The following ATG14 variants were observed in gnomAD, a reference collection of about 807,000 sequenced individuals.
The protein encoded by ATG14 is autophagy related 14.
ATG14 carries 35 observed loss-of-function variants against 60.4 expected under a neutral mutation model. The observed-to-expected ratio is 0.58, with a 90% confidence interval of 0.44 to 0.77. The LOEUF (loss-of-function observed/expected upper bound fraction) is 0.77. ATG14 is among the 30% of genes least tolerant of loss of function. ATG14 has a pLI of 0.00. For missense variants in ATG14, 647 were observed against 626.3 expected (o/e 1.03, Z -0.35); for synonymous variants, 234 against 228.8 (o/e 1.02, Z -0.21).
intron 5 of ATG14, among the ~76,000 whole-genome samples, 176 bp from the exon 6 acceptor site, chr14:55,382,367 C>T (rs1885051039): frequency 6.6e-6 from 1 of 152,118 alleles, no homozygotes. Context: ...ACATGGAGCG[C>T]AGTGACAGAT....
chr14:55,378,107 A>G, intron 7 of ATG14, 33 bp from the exon 8 acceptor site: 3 of 1,578,446 alleles, frequency 1.9e-6, no homozygotes, highest in Non-Finnish European at 2.6e-6. Context: ...ATAAAGTTGC[A>G]TTTTTTGAGG....
rs1397492385 is a variant in ATG14, at chr14:55,367,138, A to G, written c.*2481T>C. ...GATGAGTTTGTGATCTCTGGATTCT[A>G]TTCTTTAGCTTCATCTCTCATTCAT... On this transcript the variant is annotated 3_prime_UTR_variant, in exon 10 of 10. Transcript: ENST00000247178. 6.6e-6 allele frequency: 1 copy of G among 152,386 alleles called. No individual in the cohort carries two copies. The highest frequency in any genetic ancestry group is 1.5e-5 in the Non-Finnish European group (1 of 68,036). 9.4% of individuals were successfully genotyped at this position (152,386 alleles called of 1,614,324 possible).
rs993075385 is a variant in ATG14 at position 55,375,302 on chromosome 14, C to T, written c.1172+2517G>A. 1.1e-4 allele frequency among the ~76,000 whole-genome samples: 16 copies of T among 152,182 alleles called. No individual in the cohort carries two copies. In the East Asian group the frequency reaches 2.1e-3, roughly 20 times the overall value. ...TTCCAAACTGGTTGTTGTTGGCACA[C>T]AAGACAGCAACTGTTTTTTGTATGT... is the stretch of plus-strand genomic sequence containing the variant. On this transcript the variant is annotated intron_variant, in intron 9 of 9. Transcript: ENST00000247178.
intron 9 of ATG14, among the ~76,000 whole-genome samples, chr14:55,375,540 C>T (rs1458842639): frequency 7.3e-6 from 1 of 136,576 alleles, no homozygotes; most frequent in East Asian, 2.2e-4. Context: ...CATGGAGTCT[C>T]ACTATGTTGC....
intron 9 of ATG14, among the ~76,000 whole-genome samples, chr14:55,372,092 C>T (rs1461312318): frequency 1.3e-5 from 2 of 152,232 alleles, no homozygotes; most frequent in South Asian, 2.1e-4. Context: ...TAGCGCCACT[C>T]CCAAATATCC....
chr14:55,384,729 C>A (rs941768569), intron 5 of ATG14, among the ~76,000 whole-genome samples: 1 of 152,154 alleles, frequency 6.6e-6, no homozygotes, highest in African/African-American at 2.4e-5. Context: ...GTCCAGTGAA[C>A]GTCAGTTTCC....
chr14:55,404,868 C>T (rs975442540), intron 1 of ATG14, among the ~76,000 whole-genome samples: 2 of 152,190 alleles, frequency 1.3e-5, no homozygotes, highest in Non-Finnish European at 2.9e-5. Flanking sequence ...AAGTCAGCCA[C>T]AACACCCCTG....
chr14:55,382,205 GACAC>G lies in ATG14; in HGVS notation c.648-18_648-15del. On this transcript the variant is annotated splice_polypyrimidine_tract_variant and intron_variant, in intron 5 of 9. Coordinates refer to ENST00000247178, the MANE Select transcript of ATG14 (RefSeq NM_014924.5). The stretch of plus-strand genomic sequence containing the variant: ...TCTGCGGGGTCTCTACAAGTAGGAA[GACAC>G]ACACGGATTTTCAAGAGAGAGGGTT... 7 of 1,611,918 alleles carry G rather than the reference GACAC, an allele frequency of 4.3e-6. No individual in the cohort carries two copies. The highest frequency in any genetic ancestry group is 5.9e-6 in the Non-Finnish European group (7 of 1,178,012).
intron 9 of ATG14, among the ~76,000 whole-genome samples, chr14:55,370,958 TC>T (rs971720452): frequency 6.6e-6 from 1 of 151,996 alleles, no homozygotes; most frequent in Non-Finnish European, 1.5e-5. Flanking sequence ...TGCTTCTTTT[TC>T]CCCTCCCTTT....
chr14:55,370,145 T>C (rs879270315), intron 9 of ATG14, among the ~76,000 whole-genome samples: 11 of 152,178 alleles, frequency 7.2e-5, no homozygotes, highest in Admixed American at 3.9e-4. Context: ...TACCACACTT[T>C]CCCACAAGTC....
At chr14:55,403,266 T>C (rs539946066) in intron 1 of ATG14, among the ~76,000 whole-genome samples, 1 of 152,180 alleles carries the variant, frequency 6.6e-6, no homozygotes, top group South Asian at 2.1e-4. Flanking sequence ...AGCTTTCCAT[T>C]TCTTCACTGC....
chr14:55,380,877 T>TATATATA (rs60511037), intron 6 of ATG14, among the ~76,000 whole-genome samples, 187 bp from the exon 7 acceptor site: 50 of 43,642 alleles, frequency 1.1e-3, no homozygotes, highest in African/African-American at 8.2e-3. Context: ...ATATATATAT[T>TATATATA]TTTTTTTTTT....
Position 55,376,126 on chromosome 14 carries a change from T to C in ATG14, c.1172+1693A>G, listed in dbSNP as rs570431771. On this transcript the variant is annotated intron_variant, in intron 9 of 9. Transcript: ENST00000247178. ...ACTGTGGAGTCAGCCAGGTGTGCAC[T>C]GAGACCCTGGCTCCACCACTTGTAC... Among the ~76,000 whole-genome samples the C allele has an allele frequency of 2.6e-5, 4 of 152,330 alleles. No homozygotes were observed. In the East Asian group the frequency reaches 5.8e-4, roughly 22 times the overall value.
rs372186218 is a variant in ATG14 at position 55,411,796 on chromosome 14, G to C, written c.27C>G (p.Ala9=). The C allele has an allele frequency of 6.3e-6, 10 of 1,599,508 alleles. No individual in the cohort carries two copies. The African/African-American group carries it at 6.7e-5, about 11-fold the overall frequency. Residue 9 remains alanine (A), a synonymous_variant, in exon 1 of 10, where the codon GCC becomes GCG. Transcript: ENST00000247178. ...CGCAGCCAGGAGCCTCCAGCGCCCGGGCTCCCTTCCCACTGGGAGACGCCA... is the reference window on the plus strand; with the variant it reads ...CGCAGCCAGGAGCCTCCAGCGCCCGCGCTCCCTTCCCACTGGGAGACGCCA... The part of the protein sequence containing the change: MASPSGKG[A]RALEAPGCGP...
intron 1 of ATG14, among the ~76,000 whole-genome samples, chr14:55,398,241 G>A (rs531663568): frequency 3.3e-5 from 5 of 152,220 alleles, no homozygotes; most frequent in East Asian, 1.9e-4. Flanking sequence ...GTGAGCCACC[G>A]CGCCCAGCAT....
At chr14:55,410,125 G>A (rs1885548728) in intron 1 of ATG14, among the ~76,000 whole-genome samples, 1 of 152,156 alleles carries the variant, frequency 6.6e-6, no homozygotes, top group African/African-American at 2.4e-5. Context: ...GACATTTACT[G>A]GGTTGGGATG....
chr14:55,383,816 G>C (rs1398842358), intron 5 of ATG14, among the ~76,000 whole-genome samples: 2 of 152,148 alleles, frequency 1.3e-5, no homozygotes, highest in Non-Finnish European at 2.9e-5. Context: ...AATGCAGTGA[G>C]GGGGAAGAAC....
chr14:55,369,823 G>A lies in ATG14; in HGVS notation c.1275C>T (p.Ser425=), dbSNP rs1391839894. The stretch of plus-strand genomic sequence containing the variant: ...CTGTGCCCAGGTCGGTTTCTTCATC[G>A]CTGACGCGCTCATCTCCGCTCTCAT... ...ESDESGDERV[S]DEETDLGTDW... Residue 425 remains serine (S), a synonymous_variant, in exon 10 of 10, where the codon AGC becomes AGT. Transcript: ENST00000247178. The A allele has an allele frequency of 7.4e-6, 12 of 1,614,056 alleles. No homozygotes were observed. Among genetic ancestry groups the A allele is most frequent in the Admixed American group, 5.0e-5 (3 of 60,000 alleles).
In ATG14 at chr14:55,380,875, A is replaced by T. The variant is rs866183716; in HGVS notation, c.878-185T>A. Among the ~76,000 whole-genome samples, 580 of 112,716 alleles carry T rather than the reference A, an allele frequency of 5.1e-3. 4 individuals are homozygous for T. Among genetic ancestry groups the T allele is most frequent in the Middle Eastern group, 9.4e-3 (2 of 212 alleles). The allele number at this position is 112,716 out of a possible 152,430, so 73.9% of individuals were successfully genotyped here. ...TGTGTGTATATATATATATATATAT[A>T]TTTTTTTTTTTTTTTTTGCTGAGAG... On this transcript the variant is annotated intron_variant, in intron 6 of 9. Transcript: ENST00000247178.
Sources: allele counts gnomAD v4.1 joint callset (sites outside exome capture counted in the v4.1 genomes callset), GRCh38; gene constraint gnomAD v4.1.1; transcripts MANE v1.5; gene names NCBI Gene and HGNC (gene_info 2026-07-23, HGNC 2026-07-21).